Variants in ACAD11 observed in about 807,000 individuals in gnomAD.
The protein encoded by ACAD11 is acyl-Coenzyme A dehydrogenase family, member 11.
Under a neutral mutation model 102.2 loss-of-function variants are expected in ACAD11, and 83 were observed. That is an observed-to-expected ratio of 0.81 (90% confidence interval 0.68 to 0.97). ACAD11 has a LOEUF of 0.97. ACAD11 is among the 50% of genes least tolerant of loss of function. ACAD11 has a pLI of 0.00. For synonymous variants in ACAD11, 324 were observed against 319.8 expected (o/e 1.01, Z -0.14); for missense variants, 901 against 951.7 (o/e 0.95, Z 0.70).
chr3:132,580,713 G>T (rs1395054759), intron 13 of ACAD11, among the ~76,000 whole-genome samples: 1 of 151,962 alleles, frequency 6.6e-6, no homozygotes, highest in Non-Finnish European at 1.5e-5. Flanking sequence ...ATTTGGGAAA[G>T]AAATGACATG....
chr3:132,580,076 G>A (rs985304191), intron 13 of ACAD11, among the ~76,000 whole-genome samples: 2 of 151,990 alleles, frequency 1.3e-5, no homozygotes, highest in Non-Finnish European at 2.9e-5. Flanking sequence ...TACTTTTAAT[G>A]TTTACTAGTA....
chr3:132,598,935 G>C (rs576072700), intron 13 of ACAD11, among the ~76,000 whole-genome samples: 1 of 152,320 alleles, frequency 6.6e-6, no homozygotes, highest in East Asian at 1.9e-4. Flanking sequence ...TGGCAATTTA[G>C]AGATCAAATA....
chr3:132,639,741 T>G, intron 4 of ACAD11, 85 bp from the exon 5 acceptor site: 2 of 1,337,630 alleles, frequency 1.5e-6, no homozygotes, highest in Non-Finnish European at 2.1e-6. Context: ...AAAATTCAAA[T>G]GCTGTTTTAC....
In ACAD11 at chr3:132,601,192, A is replaced by G. The variant is rs760593988; in HGVS notation, c.1621+2037T>C. 62 of 1,613,622 alleles carry G rather than the reference A, an allele frequency of 3.8e-5. No homozygotes were observed. The East Asian group carries it at 1.3e-3, about 34-fold the overall frequency. The stretch of plus-strand genomic sequence containing the variant: ...ACATTGTCAAGTTCTGCCGAGCCAT[A>G]GACATCATCTACTCCCTGATCACCA... On this transcript the variant is annotated intron_variant, in intron 13 of 19. Transcript: ENST00000264990.
intron 11 of ACAD11, among the ~76,000 whole-genome samples, chr3:132,610,364 A>G (rs967927816): frequency 2.3e-4 from 35 of 152,198 alleles, no homozygotes; most frequent in African/African-American, 8.4e-4. Flanking sequence ...GCAAGAAATA[A>G]CTAAGATCAG....
chr3:132,645,199 T>C (rs754193507), intron 1 of ACAD11, among the ~76,000 whole-genome samples: 4 of 152,208 alleles, frequency 2.6e-5, no homozygotes, highest in Non-Finnish European at 5.9e-5. Context: ...TAAGTAAACT[T>C]GTAGAACAAT....
chr3:132,630,858 A>G (rs1940011413), intron 6 of ACAD11, among the ~76,000 whole-genome samples: 3 of 152,158 alleles, frequency 2.0e-5, no homozygotes, highest in Non-Finnish European at 4.4e-5. Context: ...ATCACTTGAC[A>G]GCAGGAGCTT....
At chr3:132,623,879 T>A (rs1939699293) in intron 9 of ACAD11, among the ~76,000 whole-genome samples, 1 of 152,194 alleles carries the variant, frequency 6.6e-6, no homozygotes, top group Non-Finnish European at 1.5e-5. Context: ...AATGATGGGC[T>A]GATTGCAAGT....
In ACAD11 at chr3:132,563,671, G is replaced by A. The variant is rs1395671858; in HGVS notation, c.2002-2454C>T. ...TTATTAGTTCTGGGAGGGTTGTTTC[G>A]TTTTGTTTGATACGTTCCTTAGGAT... On this transcript the variant is annotated intron_variant, in intron 17 of 19. Transcript: ENST00000264990. Among the ~76,000 whole-genome samples the A allele has an allele frequency of 7.2e-5, 11 of 152,198 alleles. No individual in the cohort carries two copies. In the East Asian group the frequency reaches 1.2e-3, roughly 16 times the overall value.
intron 13 of ACAD11, among the ~76,000 whole-genome samples, chr3:132,592,795 C>T (rs74339247): frequency 0.026 from 3,905 of 152,078 alleles, 166 homozygotes; most frequent in African/African-American, 0.089. Context: ...AATAAAATTT[C>T]CCTTATATGA....
At chr3:132,627,761 A>G (rs1939884199) in intron 8 of ACAD11, among the ~76,000 whole-genome samples, 1 of 152,226 alleles carries the variant, frequency 6.6e-6, no homozygotes, top group Admixed American at 6.5e-5. Flanking sequence ...ATACCCATCT[A>G]TAAGATAAAT....
chr3:132,579,509 T>C lies in ACAD11; in HGVS notation c.1671A>G (p.Gln557=). 6.2e-7 allele frequency: 1 copy of C among 1,613,000 alleles called. No individual in the cohort carries two copies. The highest frequency in any genetic ancestry group is 8.5e-7 in the Non-Finnish European group (1 of 1,179,288). ...TTAATTACCTGGAGAGAGAAGTATTTTGAGTTCTTCCCAAAACAATTGCAA... is the reference window on the plus strand; with the variant it reads ...TTAATTACCTGGAGAGAGAAGTATTCTGAGTTCTTCCCAAAACAATTGCAA... ...CKIAIVLGRT[Q]NTSLSRHKQH... Residue 557 remains glutamine (Q), a synonymous_variant, in exon 14 of 20, where the codon CAA becomes CAG. Transcript: ENST00000264990.
At chr3:132,579,188 A>C in intron 14 of ACAD11, 1 of 837,290 alleles carries the variant, frequency 1.2e-6, no homozygotes, top group Non-Finnish European at 1.7e-6. Context: ...CTAAACATCT[A>C]ATCACTTCAT....
Position 132,642,819 on chromosome 3 carries a change from A to G in ACAD11, c.250-17T>C, listed in dbSNP as rs1272040832. Reference sequence around the variant, plus strand: ...TCTATCAATCTAAATAGGATGATGAATCATTAAAAATCAGAGAAACTGATT... The same window carrying G: ...TCTATCAATCTAAATAGGATGATGAGTCATTAAAAATCAGAGAAACTGATT... On this transcript the variant is annotated splice_polypyrimidine_tract_variant and intron_variant, in intron 2 of 19. Transcript: ENST00000264990. The G allele has an allele frequency of 1.9e-6, 3 of 1,594,018 alleles. No homozygotes were observed. The highest frequency in any genetic ancestry group is 2.6e-6 in the Non-Finnish European group (3 of 1,172,964).
intron 1 of ACAD11, among the ~76,000 whole-genome samples, chr3:132,658,207 C>T (rs1423542086): frequency 6.6e-6 from 1 of 152,078 alleles, no homozygotes; most frequent in African/African-American, 2.4e-5. Context: ...TTTTGAGTTT[C>T]TGAGACTTCC....
At chr3:132,608,034 C>T (rs141864751) in intron 11 of ACAD11, among the ~76,000 whole-genome samples, 6 of 152,070 alleles carry the variant, frequency 3.9e-5, no homozygotes, top group African/African-American at 1.4e-4. Context: ...GCTTCATAAG[C>T]GAAGGAAAAA....
In ACAD11 at chr3:132,607,436, T is replaced by C. The variant is rs139264149; in HGVS notation, c.1415-2231A>G. Among the ~76,000 whole-genome samples the C allele has an allele frequency of 4.6e-4, 70 of 152,238 alleles. 1 individual carries two copies. The highest frequency in any genetic ancestry group is 1.7e-3 in the African/African-American group (70 of 41,556). On this transcript the variant is annotated intron_variant, in intron 11 of 19. Transcript: ENST00000264990. ...AGTTTAGAGAAGACCATAAATGACC[T>C]GATAGAGCTGCAAAACACAGCACGA...
intron 13 of ACAD11, among the ~76,000 whole-genome samples, chr3:132,596,464 G>A (rs749262287): frequency 3.9e-5 from 6 of 152,050 alleles, no homozygotes; most frequent in Non-Finnish European, 8.8e-5. Context: ...AAAATGGCAT[G>A]GGTCTGAAAT....
chr3:132,576,488 T>A (rs1305214500), intron 16 of ACAD11, among the ~76,000 whole-genome samples: 1 of 152,234 alleles, frequency 6.6e-6, no homozygotes, highest in Admixed American at 6.5e-5. Flanking sequence ...CTAACTTATA[T>A]CTAATACTTG....
Sources: allele counts gnomAD v4.1 joint callset (sites outside exome capture counted in the v4.1 genomes callset), GRCh38; gene constraint gnomAD v4.1.1; transcripts MANE v1.5; gene names NCBI Gene and HGNC (gene_info 2026-07-23, HGNC 2026-07-21).